Variants in WHAMM observed in about 807,000 individuals in gnomAD.
The protein encoded by WHAMM is WASP homolog associated with actin, golgi membranes and microtubules, also known as WASP homolog-associated protein with actin, membranes and microtubules.
In WHAMM, 67 loss-of-function variants were observed where a neutral mutation model predicts 76.5. That is an observed-to-expected ratio of 0.88 (90% CI 0.72 to 1.07). The LOEUF (loss-of-function observed/expected upper bound fraction) is 1.07, where lower values mean the gene tolerates loss of function less well. WHAMM is among the 50% of genes least tolerant of loss of function. The pLI, the probability that WHAMM is intolerant of heterozygous loss-of-function variation, is 0.00. For missense variants in WHAMM, 1,021 were observed against 1,051.1 expected (o/e 0.97, Z 0.40); for synonymous variants, 419 against 422.1 (o/e 0.99, Z 0.09).
chr15:82,824,776 T>C (rs2050901409), intron 6 of WHAMM, among the ~76,000 whole-genome samples: 1 of 152,270 alleles, frequency 6.6e-6, no homozygotes, highest in Admixed American at 6.5e-5. Context: ...TACTATATTT[T>C]TCTTATTAGA....
At chr15:82,817,240 A>G (rs2050741476) in intron 3 of WHAMM, among the ~76,000 whole-genome samples, 1 of 152,204 alleles carries the variant, frequency 6.6e-6, no homozygotes. Flanking sequence ...CACTGCCAAA[A>G]GTCCCCTGCC....
At chr15:82,820,807 A>AT (rs1248390209) in intron 5 of WHAMM, among the ~76,000 whole-genome samples, 1 of 151,372 alleles carries the variant, frequency 6.6e-6, no homozygotes, top group African/African-American at 2.4e-5. Context: ...AGGCAGGAGA[A>AT]TCGCTTGAAC....
rs1334438065 is a variant in WHAMM at position 82,813,171 on chromosome 15, A to G, written c.678A>G (p.Glu226=). 6.2e-7 allele frequency: 1 copy of G among 1,612,852 alleles called. No homozygotes were observed. ...ALMNVYQEED[E]AYQELVTVAT... The stretch of plus-strand genomic sequence containing the variant: ...TGAACGTTTACCAAGAGGAAGATGA[A>G]GCATACCAGGAATTGGTTACCGTGG... Residue 226 remains glutamate, a synonymous_variant, in exon 2 of 10, where the codon GAA becomes GAG. Coordinates refer to ENST00000286760, the MANE Select transcript of WHAMM (RefSeq NM_001080435.3).
intron 5 of WHAMM, among the ~76,000 whole-genome samples, 156 bp from the exon 6 acceptor site, chr15:82,822,944 A>G (rs989904111): frequency 6.6e-6 from 1 of 152,112 alleles, no homozygotes; most frequent in African/African-American, 2.4e-5. Context: ...ACATGTGTGC[A>G]TGTATATTAC....
rs2050736537 is a variant in WHAMM at position 82,816,898 on chromosome 15, C to T, written c.934+56C>T. On this transcript the variant is annotated intron_variant, in intron 3 of 9. Coordinates refer to ENST00000286760, the MANE Select transcript of WHAMM (RefSeq NM_001080435.3). ...ACATGTAATTGATTATCATTTTATT[C>T]AAATACCATTTGAGTCCCTCTTACG... is the stretch of plus-strand genomic sequence containing the variant. The T allele has an allele frequency of 2.0e-6, 3 of 1,503,016 alleles. No homozygotes were observed. The South Asian group carries it at 3.8e-5, about 19-fold the overall frequency. 93.1% of individuals were successfully genotyped at this position (1,503,016 alleles called of 1,614,324 possible).
intron 6 of WHAMM, among the ~76,000 whole-genome samples, chr15:82,824,184 G>T: frequency 2.3e-5 from 1 of 43,868 alleles, no homozygotes; most frequent in Non-Finnish European, 5.6e-5. Flanking sequence ...TTGAAACAGA[G>T]TCTCGCTCTG....
intron 9 of WHAMM, among the ~76,000 whole-genome samples, chr15:82,832,931 A>G (rs1192451634): frequency 6.6e-6 from 1 of 152,178 alleles, no homozygotes; most frequent in Non-Finnish European, 1.5e-5. Flanking sequence ...GACAGATCAC[A>G]TTTGTCTTGA....
In WHAMM at chr15:82,810,001, G is replaced by A. The variant is rs766593608; in HGVS notation, c.275G>A (p.Arg92Gln). ...GCCGCGGGGCTCCGCGGCGCGCACCGGCAGTTGGCGGCGCTGTGGCCGCCT... is the reference window on the plus strand; with the variant it reads ...GCCGCGGGGCTCCGCGGCGCGCACCAGCAGTTGGCGGCGCTGTGGCCGCCT... ...LSAAGLRGAH[R>Q]QLAALWPPLE... The change falls in exon 1 of 10, where the codon CGG becomes CAG. Residue 92 changes from arginine to glutamine, a missense_variant. By Grantham distance (43) the Arg-to-Gln change is conservative (BLOSUM62 1). Around this residue, in one of 3 missense-constraint regions of WHAMM, gnomAD observed 501 missense variants for 524.9 expected, o/e 0.95. Transcript: ENST00000286760. 2 of 1,267,278 alleles carry A rather than the reference G, an allele frequency of 1.6e-6. No individual in the cohort carries two copies. Among genetic ancestry groups the A allele is most frequent in the Middle Eastern group, 3.1e-4 (1 of 3,262 alleles). The allele number at this position is 1,267,278 out of a possible 1,614,324, so 78.5% of individuals were successfully genotyped here. A position where few individuals can be genotyped will look rare whatever the true frequency, so the allele number is the denominator to read the frequency against.
Position 82,835,071 on chromosome 15 carries a change from C to T in WHAMM, c.*1535C>T, listed in dbSNP as rs2051109841. 6.6e-6 allele frequency: 1 copy of T among 152,188 alleles called. No individual in the cohort carries two copies. The highest frequency in any genetic ancestry group is 2.4e-5 in the African/African-American group (1 of 41,438). 9.4% of individuals were successfully genotyped at this position (152,188 alleles called of 1,614,324 possible). A position where few individuals can be genotyped will look rare whatever the true frequency, so the allele number is the denominator to read the frequency against. On this transcript the variant is annotated 3_prime_UTR_variant, in exon 10 of 10. Transcript: ENST00000286760. ...GTCTCCACAGAACAAAAGGAACGCA[C>T]CTCGTTTACAAAGAAAGTCCTGATT...
In WHAMM at chr15:82,826,474, G is replaced by T. The variant is rs371348951; in HGVS notation, c.1523G>T (p.Arg508Leu). 6.2e-7 allele frequency: 1 copy of T among 1,613,892 alleles called. No homozygotes were observed. Among genetic ancestry groups the T allele is most frequent in the Non-Finnish European group, 8.5e-7 (1 of 1,179,826 alleles). The stretch of plus-strand genomic sequence containing the variant: ...GCTGAAGAAAGCATAAGATACTCTC[G>T]TCAGCATCACAGTATTCAGATGGTG... Reference protein sequence around the residue: ...QQAEESIRYSRQHHSIQMKRD... With the variant: ...QQAEESIRYSLQHHSIQMKRD... Residue 508 changes from arginine (R) to leucine (L), a missense_variant, in exon 7 of 10, where the codon CGT becomes CTT. Arg to Leu is a moderately radical substitution (Grantham distance 102). Transcript: ENST00000286760.
At chr15:82,823,025 C>T in intron 5 of WHAMM, 75 bp from the exon 6 acceptor site, 1 of 1,207,770 alleles carries the variant, frequency 8.3e-7, no homozygotes. Context: ...CTTTATTTTT[C>T]TTACATTTAA....
At chr15:82,822,281 A>G (rs1432947603) in intron 5 of WHAMM, among the ~76,000 whole-genome samples, 1 of 152,184 alleles carries the variant, frequency 6.6e-6, no homozygotes, top group African/African-American at 2.4e-5. Context: ...ATCCTTAAAT[A>G]TTTATCTGCT....
intron 1 of WHAMM, among the ~76,000 whole-genome samples, chr15:82,812,575 A>G (rs559057072): frequency 6.6e-6 from 1 of 152,318 alleles, no homozygotes; most frequent in Admixed American, 6.5e-5. Context: ...CTTTACAGTC[A>G]GAAAAGTGAA....
intron 5 of WHAMM, among the ~76,000 whole-genome samples, chr15:82,820,072 C>T (rs1427218345): frequency 6.6e-6 from 1 of 150,964 alleles, no homozygotes; most frequent in African/African-American, 2.4e-5. Context: ...TGCTGTATAA[C>T]TTTGTAGATT....
At position 82,817,909 on chromosome 15, in the gene WHAMM, T is replaced by C. The variant is rs1438247772; in HGVS notation, c.935-11T>C. 1 of 1,496,040 alleles carries C rather than the reference T, an allele frequency of 6.7e-7. No individual in the cohort carries two copies. Among genetic ancestry groups the C allele is most frequent in the East Asian group, 2.5e-5 (1 of 40,386 alleles). The allele number at this position is 1,496,040 out of a possible 1,614,324, so 92.7% of individuals were successfully genotyped here. On this transcript the variant is annotated splice_polypyrimidine_tract_variant and intron_variant, in intron 3 of 9. Transcript: ENST00000286760. ...GAGGTGTAATTATATTTTATTTTTA[T>C]AATCCAACAGGAATGCAGAAAGAAA...
At chr15:82,810,365 C>T (rs1212865867) in intron 1 of WHAMM, 30 bp downstream of exon 1, 2 of 1,295,344 alleles carry the variant, frequency 1.5e-6, no homozygotes, top group Non-Finnish European at 1.9e-6. Context: ...CGGCGTTCGT[C>T]CGCGCTTCCA....
intron 1 of WHAMM, among the ~76,000 whole-genome samples, chr15:82,812,521 C>T (rs1025781863): frequency 6.6e-6 from 1 of 152,250 alleles, no homozygotes; most frequent in African/African-American, 2.4e-5. Flanking sequence ...AGCCACCACG[C>T]CTGGCCCTTA....
At position 82,819,483 on chromosome 15, in the gene WHAMM, T is replaced by G; in HGVS notation, c.1265T>G (p.Ile422Arg). The change falls in exon 5 of 10, where the codon ATA (isoleucine) becomes AGA (arginine). Residue 422 changes from isoleucine (I) to arginine (R), a missense_variant. Transcript: ENST00000286760. ...TTQLDSLKRLIKEKQDEVVYY... is the reference protein window; with the variant it reads ...TTQLDSLKRLRKEKQDEVVYY... ...CAGTTGGACTCTCTTAAAAGACTTA[T>G]AAAAGGTAAAATTTAAGTATATAGA... The G allele has an allele frequency of 8.1e-7, 1 of 1,239,820 alleles. No homozygotes were observed. The highest frequency in any genetic ancestry group is 1.1e-6 in the Non-Finnish European group (1 of 930,876). 76.8% of individuals were successfully genotyped at this position (1,239,820 alleles called of 1,614,324 possible).
In WHAMM at chr15:82,809,888, G is replaced by C; in HGVS notation, c.162G>C (p.Arg54=). The C allele has an allele frequency of 6.4e-7, 1 of 1,556,012 alleles. No homozygotes were observed. Among genetic ancestry groups the C allele is most frequent in the Non-Finnish European group, 8.7e-7 (1 of 1,149,322 alleles). The change falls in exon 1 of 10, where the codon CGG becomes CGC. Residue 54 remains arginine (R), a synonymous_variant. Transcript: ENST00000286760. ...ACGACCGTACCGCGCAGCAGCGGCG[G>C]CTGCGCGAGGGGGCCCGGTTGGGGC... ...TCHDRTAQQR[R]LREGARLGPE...
Sources: allele counts gnomAD v4.1 joint callset (sites outside exome capture counted in the v4.1 genomes callset), GRCh38; gene constraint gnomAD v4.1.1; regional missense constraint gnomAD v4.1.1; transcripts MANE v1.5; gene names NCBI Gene and HGNC (gene_info 2026-07-23, HGNC 2026-07-21).